Variants in ZNF212 observed in about 807,000 individuals in gnomAD.
ZNF212 encodes Zinc finger protein C2H2-150.
Under a neutral mutation model 47.3 loss-of-function variants are expected in ZNF212, and 32 were observed. That is an observed-to-expected ratio of 0.68 (90% CI 0.51 to 0.91). The LOEUF (loss-of-function observed/expected upper bound fraction) is 0.91, where lower values mean the gene tolerates loss of function less well. Ranked by LOEUF, ZNF212 falls within the 40% of genes least tolerant of loss-of-function variation. The probability of loss-of-function intolerance (pLI) is 0.00; values close to 1 mark genes in which losing one functional copy is unlikely to be tolerated. For missense variants in ZNF212, 555 were observed against 622.8 expected (o/e 0.89, Z 1.16); for synonymous variants, 242 against 253.8 (o/e 0.95, Z 0.44).
rs114972851 is a variant in ZNF212, at chr7:149,245,384, C to T, written c.25-4775C>T. Among the ~76,000 whole-genome samples the T allele has an allele frequency of 5.4e-3, 807 of 149,286 alleles. 10 individuals carry two copies. The highest frequency in any genetic ancestry group is 0.019 in the African/African-American group (763 of 40,494). ...GAAAAAAAAAAAAAAAAAGGATTTG[C>T]ATACTATGTTTATGAATTGAAATTC... On this transcript the variant is annotated intron_variant, in intron 1 of 4. Coordinates refer to ENST00000335870, the MANE Select transcript of ZNF212 (RefSeq NM_012256.4).
In ZNF212 at chr7:149,239,809, AG is replaced by A; in HGVS notation, c.24+9del. On this transcript the variant is annotated splice_region_variant and intron_variant, in intron 1 of 4. Transcript: ENST00000335870. ...GGAGTCGGCGCCTGCTCGGGTAAAG[AG>A]GCACCGGCGCGCTGGCTCGAGGGCG... 7.9e-7 allele frequency: 1 copy of A among 1,273,034 alleles called. No individual in the cohort carries two copies. Among genetic ancestry groups the A allele is most frequent in the Admixed American group, 3.8e-5 (1 of 26,182 alleles). The allele number at this position is 1,273,034 out of a possible 1,614,324, so 78.9% of individuals were successfully genotyped here.
At chr7:149,244,473 C>T (rs530257143) in intron 1 of ZNF212, among the ~76,000 whole-genome samples, 3 of 152,090 alleles carry the variant, frequency 2.0e-5, no homozygotes, top group South Asian at 4.1e-4. Flanking sequence ...TCACCACGCC[C>T]GGCTAATTCT....
Position 149,253,974 on chromosome 7 carries a change from A to G in ZNF212, c.1047A>G (p.Pro349=). 1 of 1,614,036 alleles carries G rather than the reference A, an allele frequency of 6.2e-7. No individual in the cohort carries two copies. Among genetic ancestry groups the G allele is most frequent in the Non-Finnish European group, 8.5e-7 (1 of 1,179,968 alleles). Residue 349 remains proline, a synonymous_variant, in exon 5 of 5, where the codon CCA becomes CCG. Coordinates refer to ENST00000335870, the MANE Select transcript of ZNF212 (RefSeq NM_012256.4). ...GGGGGTCTTGTACACCTGAGGAGCC[A>G]GAGGAGAGCCTTAGGCCCAGGCCAC... ...SGWGSCTPEE[P]EESLRPRPRL... is the part of the protein sequence containing the mutation.
In ZNF212 at chr7:149,250,827, C is replaced by G. The variant is rs187397013; in HGVS notation, c.541+20C>G. The G allele has an allele frequency of 4.0e-4, 649 of 1,613,810 alleles. 4 individuals carry two copies. The East Asian group carries it at 7.7e-3, about 19-fold the overall frequency. ...CTCTGAGTGAGTAGCAGTTTTCTCC[C>G]TAGAATTCTGTCTCAGACATACTAC... On this transcript the variant is annotated intron_variant, in intron 3 of 4. Coordinates refer to ENST00000335870, the MANE Select transcript of ZNF212 (RefSeq NM_012256.4).
intron 1 of ZNF212, among the ~76,000 whole-genome samples, chr7:149,244,457 A>C (rs950441898): frequency 5.3e-5 from 8 of 151,788 alleles, no homozygotes; most frequent in Non-Finnish European, 1.2e-4. Flanking sequence ...GGACTGCAGG[A>C]GCCCGTCACC....
chr7:149,243,743 AT>A (rs1796634075), intron 1 of ZNF212, among the ~76,000 whole-genome samples: 1 of 152,156 alleles, frequency 6.6e-6, no homozygotes, highest in Non-Finnish European at 1.5e-5. Context: ...ATAATAGGAG[AT>A]TTTAATACAA....
rs755825023 is a variant in ZNF212, at chr7:149,253,852, A to G, written c.925A>G (p.Lys309Glu). Reference protein sequence around the residue: ...DQECGQGLKLKKDTSRPYECS... With the variant: ...DQECGQGLKLEKDTSRPYECS... Reference sequence around the variant, plus strand: ...GGAATGTGGGCAGGGCCTGAAGCTGAAAAAGGACACTTCCCGCCCCTACGA... The same window carrying G: ...GGAATGTGGGCAGGGCCTGAAGCTGGAAAAGGACACTTCCCGCCCCTACGA... The change falls in exon 5 of 5, where the codon AAA becomes GAA. Residue 309 changes from lysine to glutamate, a missense_variant. By Grantham distance (56) the Lys-to-Glu change is moderately conservative. Transcript: ENST00000335870. 6.2e-7 allele frequency: 1 copy of G among 1,613,950 alleles called. No homozygotes were observed. Among genetic ancestry groups the G allele is most frequent in the Non-Finnish European group, 8.5e-7 (1 of 1,180,004 alleles).
Position 149,254,346 on chromosome 7 carries a change from C to T in ZNF212, c.1419C>T (p.His473=). Residue 473 remains histidine, a synonymous_variant, in exon 5 of 5, where the codon CAC becomes CAT. Coordinates refer to ENST00000335870, the MANE Select transcript of ZNF212 (RefSeq NM_012256.4). This position sits in a 1 kb window ranked among gnomAD's most constrained non-coding sequence, Gnocchi z 4.5. ...SFVQKQHLLQ[H]QKIHQRERGG... ...TCCAGAAGCAGCACCTCCTGCAGCA[C>T]CAGAAGATCCACCAGCGGGAGCGGG... is the stretch of plus-strand genomic sequence containing the variant. 6.2e-7 allele frequency: 1 copy of T among 1,611,980 alleles called. No individual in the cohort carries two copies. The highest frequency in any genetic ancestry group is 1.1e-5 in the South Asian group (1 of 91,090).
At chr7:149,245,432 G>A (rs1192228636) in intron 1 of ZNF212, among the ~76,000 whole-genome samples, 1 of 151,514 alleles carries the variant, frequency 6.6e-6, no homozygotes, top group African/African-American at 2.4e-5. Context: ...TCACTTTTCT[G>A]TTGGGTGGGG....
chr7:149,242,021 C>CTTTTTTTTTTTTTTTTTT (rs34883587), intron 1 of ZNF212, among the ~76,000 whole-genome samples: 2 of 121,346 alleles, frequency 1.6e-5, no homozygotes, highest in Non-Finnish European at 3.4e-5. Context: ...CTTTTCTTTT[C>CTTTTTTTTTTTTTTTTTT]TTTTTTTTTT....
At chr7:149,240,889 A>T (rs1470929849) in intron 1 of ZNF212, among the ~76,000 whole-genome samples, 1 of 152,228 alleles carries the variant, frequency 6.6e-6, no homozygotes, top group Non-Finnish European at 1.5e-5. Flanking sequence ...AGAGATTGGG[A>T]GACTTAGAGA....
At chr7:149,250,138 C>T (rs1563188683) in intron 1 of ZNF212, 21 bp from the exon 2 acceptor site, 1 of 1,495,004 alleles carries the variant, frequency 6.7e-7, no homozygotes, top group South Asian at 1.4e-5. Context: ...TGACATTGAC[C>T]CTGTGTCTTT....
chr7:149,252,748 A>C lies in ZNF212; in HGVS notation c.584A>C (p.Glu195Ala). 6.2e-7 allele frequency: 1 copy of C among 1,614,018 alleles called. No individual in the cohort carries two copies. The highest frequency in any genetic ancestry group is 1.7e-5 in the Admixed American group (1 of 60,014). Residue 195 changes from glutamate to alanine, a missense_variant, in exon 4 of 5, where the codon GAG (glutamate) becomes GCG (alanine). Transcript: ENST00000335870. Reference protein sequence around the residue: ...QTEGEAELGTEMLGDLEEEGP... With the variant: ...QTEGEAELGTAMLGDLEEEGP... ...GAGGGAGAAGCGGAGTTGGGTACAG[A>C]GATGCTGGGTGACTTGGAAGAGGAA...
rs1221144825 is a variant in ZNF212 at position 149,254,858 on chromosome 7, G to T, written c.*443G>T. 6 of 162,282 alleles carry T rather than the reference G, an allele frequency of 3.7e-5. No individual in the cohort carries two copies. Among genetic ancestry groups the T allele is most frequent in the East Asian group, 3.7e-4 (2 of 5,468 alleles). The allele number at this position is 162,282 out of a possible 1,614,324, so 10.1% of individuals were successfully genotyped here. The stretch of plus-strand genomic sequence containing the variant: ...TTATAATCTCTTTGTTTAATAATAA[G>T]TAGAAGAAATAATTTAAATGAACTG... On this transcript the variant is annotated 3_prime_UTR_variant, in exon 5 of 5. Transcript: ENST00000335870. This position sits in a 1 kb window ranked among gnomAD's most constrained non-coding sequence, Gnocchi z 4.5.
At chr7:149,251,068 T>C (rs12538791) in intron 3 of ZNF212, 49,078 of 327,988 alleles carry the variant, frequency 0.15, 4,224 homozygotes, top group Admixed American at 0.29. Context: ...TTTTTTTTTT[T>C]CCTGTGGTCA....
chr7:149,253,674 C>T lies in ZNF212; in HGVS notation c.747C>T (p.Thr249=), dbSNP rs150306665. 1.9e-4 allele frequency: 299 copies of T among 1,614,130 alleles called. No individual in the cohort carries two copies. In the African/African-American group the frequency reaches 3.3e-3, roughly 18 times the overall value. The change falls in exon 5 of 5, where the codon ACC becomes ACT. Residue 249 remains threonine (T), a synonymous_variant. Coordinates refer to ENST00000335870, the MANE Select transcript of ZNF212 (RefSeq NM_012256.4). ...AGGCTTTCCTGAGCCCAGAGCAGAC[C>T]GAACTCTGGGGTGGTCAGGGCAGTT... ...EEQAFLSPEQ[T]ELWGGQGSSV...
rs1420379009 is a variant in ZNF212 at position 149,253,700 on chromosome 7, C to G, written c.773C>G (p.Ser258Cys). Residue 258 changes from serine to cysteine, a missense_variant, in exon 5 of 5, where the codon TCT (serine) becomes TGT (cysteine). Ser to Cys is a moderately radical substitution (Grantham distance 112, BLOSUM62 -1). Coordinates refer to ENST00000335870, the MANE Select transcript of ZNF212 (RefSeq NM_012256.4). The part of the protein sequence containing the change: ...QTELWGGQGS[S>C]VLLETGPGDS... ...GAACTCTGGGGTGGTCAGGGCAGTT[C>G]TGTCCTCTTGGAAACAGGTCCTGGG... 6.2e-7 allele frequency: 1 copy of G among 1,614,028 alleles called. No individual in the cohort carries two copies. The highest frequency in any genetic ancestry group is 1.3e-5 in the African/African-American group (1 of 74,904).
chr7:149,239,834 C>T (rs932692980), intron 1 of ZNF212, 32 bp downstream of exon 1: 1 of 1,266,962 alleles, frequency 7.9e-7, no homozygotes, highest in Non-Finnish European at 1.0e-6. Context: ...GGCTCGAGGG[C>T]GCGTTGGGGA....
At chr7:149,245,911 A>G (rs566631647) in intron 1 of ZNF212, among the ~76,000 whole-genome samples, 1 of 152,258 alleles carries the variant, frequency 6.6e-6, no homozygotes, top group East Asian at 1.9e-4. Flanking sequence ...CAGGAGTGTT[A>G]TGAGAGTCAG....
Sources: gnomAD v4.1 joint callset for allele counts (sites outside exome capture counted in the v4.1 genomes callset) on GRCh38, gnomAD v4.1.1 for gene constraint, Gnocchi (gnomAD v3.1) non-coding constraint, MANE v1.5 for transcripts, NCBI Gene and HGNC (gene_info 2026-07-23, HGNC 2026-07-21) for gene names.